PFKFB3: variants seen among roughly 807,000 people sequenced by gnomAD.
PFKFB3 encodes 6-phosphofructo-2-kinase/fructose-2,6-bisphosphatase 3.
In PFKFB3, 33 loss-of-function variants were observed where a neutral mutation model predicts 68.0. That is an observed-to-expected ratio of 0.49 (90% CI 0.37 to 0.65). PFKFB3 has a LOEUF of 0.65. PFKFB3 is among the 30% of genes least tolerant of loss of function. PFKFB3 has a pLI of 0.00. For synonymous variants in PFKFB3, 315 were observed against 288.2 expected, an observed-to-expected ratio of 1.09 and a Z score of -0.94; for missense variants, 586 against 712.2, an observed-to-expected ratio of 0.82 and a Z score of 2.02.
At chr10:6,240,655 T>TA (rs1442022581) in intron 14 of PFKFB3, among the ~76,000 whole-genome samples, 19 of 152,192 alleles carry the variant, frequency 1.2e-4, no homozygotes, top group Non-Finnish European at 2.1e-4. Context: ...ATAAACATCT[T>TA]ACAACAACAT....
intron 1 of PFKFB3, among the ~76,000 whole-genome samples, chr10:6,171,109 G>C (rs35304127): frequency 0.16 from 24,725 of 152,094 alleles, 2,578 homozygotes; most frequent in Non-Finnish European, 0.23. Flanking sequence ...GTGCAATGGC[G>C]TGTTCTTGGC....
chr10:6,251,742 G>T (rs1220181483), intron 14 of PFKFB3, among the ~76,000 whole-genome samples: 1 of 152,180 alleles, frequency 6.6e-6, no homozygotes, highest in Non-Finnish European at 1.5e-5. Flanking sequence ...AGGCCGAGGA[G>T]GGTGGATCAC....
the PFKFB3 span, among the ~76,000 whole-genome samples, chr10:6,279,666 T>A: frequency 6.4e-4 from 97 of 152,170 alleles, no homozygotes; most frequent in African/African-American, 1.9e-3. Context: ...ACTCAGAACC[T>A]CCCGCCAGAC....
At chr10:6,219,799 T>C in intron 7 of PFKFB3, 106 bp downstream of exon 7, 5 of 1,282,276 alleles carry the variant, frequency 3.9e-6, no homozygotes, top group Non-Finnish European at 5.4e-6. Flanking sequence ...AAAAAAATTT[T>C]TTTAAGACAG....
At chr10:6,209,825 C>A (rs931785462) in intron 1 of PFKFB3, among the ~76,000 whole-genome samples, 3 of 135,440 alleles carry the variant, frequency 2.2e-5, no homozygotes, top group African/African-American at 2.8e-5. Flanking sequence ...AGTGCAGTGG[C>A]GTGACCTTGG....
chr10:6,273,547 G>C, the PFKFB3 span, among the ~76,000 whole-genome samples: 17 of 152,300 alleles, frequency 1.1e-4, no homozygotes, highest in African/African-American at 3.9e-4. Context: ...TCTAAGGAAA[G>C]CATGGAGATT....
the PFKFB3 span, among the ~76,000 whole-genome samples, chr10:6,309,116 C>A: frequency 4.6e-5 from 7 of 152,228 alleles, no homozygotes; most frequent in African/African-American, 1.7e-4. Flanking sequence ...ATGTGAGAAA[C>A]CTAGTTGGAT....
chr10:6,196,430 C>G (rs1194058721), intron 1 of PFKFB3, among the ~76,000 whole-genome samples: 1 of 152,100 alleles, frequency 6.6e-6, no homozygotes, highest in Non-Finnish European at 1.5e-5. Flanking sequence ...AGGTGAGGTC[C>G]ACAATAGGCC....
At chr10:6,252,841 A>G (rs17296393) in intron 14 of PFKFB3, among the ~76,000 whole-genome samples, 24,482 of 152,288 alleles carry the variant, frequency 0.16, 2,433 homozygotes, top group Middle Eastern at 0.26. Context: ...ATAGAGGTAA[A>G]TAGTTTTTTA....
At chr10:6,159,399 A>T (rs539765977) in intron 1 of PFKFB3, among the ~76,000 whole-genome samples, 75 of 142,920 alleles carry the variant, frequency 5.2e-4, no homozygotes, top group African/African-American at 1.7e-3. Context: ...TGTCTTAATT[A>T]AAAAAAACAA....
chr10:6,203,431 G>T, intron 1 of PFKFB3, 95 bp downstream of exon 1: 2 of 806,068 alleles, frequency 2.5e-6, no homozygotes, highest in Non-Finnish European at 3.4e-6. Flanking sequence ...CTCTGCGGGG[G>T]GCGCGCCCGT....
chr10:6,213,869 A>T (rs1185883595), intron 2 of PFKFB3, 121 bp downstream of exon 2: 1 of 1,023,874 alleles, frequency 9.8e-7, no homozygotes, highest in Non-Finnish European at 1.4e-6. Context: ...GGGGAGTCTG[A>T]TCCTGCCTCC....
chr10:6,230,488 C>T (rs1040901786), intron 14 of PFKFB3, among the ~76,000 whole-genome samples: 8 of 152,160 alleles, frequency 5.3e-5, no homozygotes, highest in African/African-American at 1.2e-4. Context: ...ACTATAGATA[C>T]AGCACTTAGC....
At chr10:6,212,693 C>T (rs3793718) in intron 1 of PFKFB3, among the ~76,000 whole-genome samples, 8,297 of 152,198 alleles carry the variant, frequency 0.055, 326 homozygotes, top group East Asian at 0.16. Flanking sequence ...AGAGGCAGGG[C>T]CTTGCTATGT....
At chr10:6,296,730 A>G in the PFKFB3 span, among the ~76,000 whole-genome samples, 2 of 152,330 alleles carry the variant, frequency 1.3e-5, no homozygotes, top group East Asian at 3.9e-4. Flanking sequence ...CTAATGCATT[A>G]TAATTAGCAT....
At chr10:6,292,266 CTTTTTTTTTTTCTTTTTTTTT>C in the PFKFB3 span, among the ~76,000 whole-genome samples, 1 of 107,284 alleles carries the variant, frequency 9.3e-6, no homozygotes, top group African/African-American at 3.6e-5. Context: ...AACCAGTGTA[CTTTTTTTTTTTCTTTTTTTTT>C]TTTTTTTTTT....
intron 1 of PFKFB3, among the ~76,000 whole-genome samples, chr10:6,170,429 G>C (rs1842272865): frequency 6.6e-6 from 1 of 152,120 alleles, no homozygotes; most frequent in Non-Finnish European, 1.5e-5. Context: ...ATATAAACTG[G>C]ACTACAGCAG....
At chr10:6,245,938 C>A in intron 14 of PFKFB3, 1 of 152,308 alleles carries the variant, frequency 6.6e-6, no homozygotes. Context: ...GGAGAATGTT[C>A]TAGGATGCCG....
At chr10:6,290,247 T>C in the PFKFB3 span, among the ~76,000 whole-genome samples, 1 of 151,862 alleles carries the variant, frequency 6.6e-6, no homozygotes, top group Non-Finnish European at 1.5e-5. Context: ...CTATGTTGAA[T>C]AGGAGTGGTG....
Sources: gnomAD v4.1 joint callset for allele counts (sites outside exome capture counted in the v4.1 genomes callset) on GRCh38, gnomAD v4.1.1 for gene constraint, MANE v1.5 for transcripts, NCBI Gene and HGNC (gene_info 2026-07-23, HGNC 2026-07-21) for gene names.